Variants in MAP3K7CL observed in about 807,000 individuals in gnomAD.
MAP3K7CL encodes MAP3K7 C-terminal-like protein.
In MAP3K7CL, 16 loss-of-function variants were observed where a neutral mutation model predicts 18.6. The observed-to-expected ratio is 0.86, with a 90% CI of 0.58 to 1.31. The LOEUF (loss-of-function observed/expected upper bound fraction) is 1.31, where lower values mean the gene tolerates loss of function less well. MAP3K7CL is among the 50% of genes most tolerant of loss of function. The probability of loss-of-function intolerance (pLI) is 0.00; values close to 1 mark genes in which losing one functional copy is unlikely to be tolerated. For synonymous variants in MAP3K7CL, 65 were observed against 66.8 expected, an observed-to-expected ratio of 0.97 and a Z score of 0.13; for missense variants, 163 against 174.4, an observed-to-expected ratio of 0.93 and a Z score of 0.37.
chr21:29,161,858 G>A (rs1054223936), intron 4 of MAP3K7CL, among the ~76,000 whole-genome samples: 1 of 152,162 alleles, frequency 6.6e-6, no homozygotes, highest in Non-Finnish European at 1.5e-5. Flanking sequence ...CCAGACTTCT[G>A]CAAAACCTCA....
At chr21:29,104,750 G>A (rs754491683) in intron 4 of MAP3K7CL, among the ~76,000 whole-genome samples, 16 of 152,176 alleles carry the variant, frequency 1.1e-4, no homozygotes, top group Non-Finnish European at 2.1e-4. Flanking sequence ...CCCCAAAAGT[G>A]CGCTTGCTAT....
exon 3 of MAP3K7CL, chr21:29,091,717 A>G (rs1178778518): frequency 1.4e-6 from 1 of 702,338 alleles, no homozygotes; most frequent in Admixed American, 2.0e-5. Flanking sequence ...ACCTGGCTTC[A>G]AGCAGTCCTC....
intron 3 of MAP3K7CL, among the ~76,000 whole-genome samples, chr21:29,152,297 G>A (rs1452175774): frequency 6.6e-6 from 1 of 152,198 alleles, no homozygotes; most frequent in Non-Finnish European, 1.5e-5. Flanking sequence ...TATACTTAGC[G>A]TAAGCATATA....
intron 4 of MAP3K7CL, among the ~76,000 whole-genome samples, chr21:29,097,628 A>G (rs757985413): frequency 5.3e-5 from 8 of 152,024 alleles, no homozygotes; most frequent in Non-Finnish European, 8.8e-5. Flanking sequence ...TCTTCTGTAG[A>G]CATTATGGTC....
upstream of MAP3K7CL, among the ~76,000 whole-genome samples, chr21:29,083,067 T>A (rs552690899): frequency 6.6e-6 from 1 of 152,356 alleles, no homozygotes; most frequent in East Asian, 1.9e-4. Context: ...TTTAATTATA[T>A]TTTGAAATGA....
At chr21:29,174,521 G>A (rs1409506631) in intron 4 of MAP3K7CL, among the ~76,000 whole-genome samples, 191 bp from the exon 5 acceptor site, 1 of 152,134 alleles carries the variant, frequency 6.6e-6, no homozygotes, top group Non-Finnish European at 1.5e-5. Context: ...GTGTCTAGTC[G>A]AGGTGCTAGA....
At chr21:29,156,699 T>A (rs1054069528) in intron 3 of MAP3K7CL, among the ~76,000 whole-genome samples, 2 of 152,180 alleles carry the variant, frequency 1.3e-5, no homozygotes, top group Admixed American at 1.3e-4. Flanking sequence ...GAACAACACA[T>A]CACATTATTC....
At chr21:29,092,316 C>A in intron 3 of MAP3K7CL, 1 of 920,270 alleles carries the variant, frequency 1.1e-6, no homozygotes, top group Non-Finnish European at 1.6e-6. Flanking sequence ...ATTAACAACC[C>A]TCTCTAAAGA....
At chr21:29,163,747 G>T (rs959302476) in intron 4 of MAP3K7CL, among the ~76,000 whole-genome samples, 1 of 147,744 alleles carries the variant, frequency 6.8e-6, no homozygotes. Flanking sequence ...CCAGGCTGGA[G>T]TGCAGTGATG....
chr21:29,148,644 A>G (rs2087199696), intron 2 of MAP3K7CL, among the ~76,000 whole-genome samples: 1 of 152,120 alleles, frequency 6.6e-6, no homozygotes, highest in African/African-American at 2.4e-5. Context: ...TTGGAAAGAA[A>G]CGCCCCATTT....
chr21:29,159,527 C>A (rs1396312258), intron 3 of MAP3K7CL, among the ~76,000 whole-genome samples: 1 of 152,224 alleles, frequency 6.6e-6, no homozygotes, highest in Non-Finnish European at 1.5e-5. Context: ...GCTACAGAAA[C>A]AGAAAGCAAG....
In MAP3K7CL at chr21:29,109,227, C is replaced by T. The variant is rs966349234; in HGVS notation, c.370+16646C>T. The T allele has an allele frequency of 5.2e-6, 8 of 1,535,020 alleles. No individual in the cohort carries two copies. In the African/African-American group the frequency reaches 9.6e-5, roughly 18 times the overall value. On this transcript the variant is annotated intron_variant, in intron 4 of 6. Transcript: ENST00000286791. ...GTGGGTAAGTATTAAGTGCTATGAG[C>T]TCCGAGGAAGAAGAAATTCCATATA...
chr21:29,147,344 C>T (rs1428326832), intron 2 of MAP3K7CL, among the ~76,000 whole-genome samples: 1 of 151,622 alleles, frequency 6.6e-6, no homozygotes, highest in African/African-American at 2.4e-5. Flanking sequence ...TATGTATCTG[C>T]ACTGTGTATG....
chr21:29,141,149 TAAC>T (rs201342148), intron 2 of MAP3K7CL, among the ~76,000 whole-genome samples: 1 of 152,224 alleles, frequency 6.6e-6, no homozygotes, highest in East Asian at 1.9e-4. Context: ...CAAAATATTC[TAAC>T]AACAGGATAA....
chr21:29,085,065 A>G (rs147252886), upstream of MAP3K7CL: 87 of 152,302 alleles, frequency 5.7e-4, 1 homozygote, highest in African/African-American at 1.9e-3. Context: ...ATTTTCTCTC[A>G]TTTGAGGTGT....
At chr21:29,156,633 C>A (rs1186025254) in intron 3 of MAP3K7CL, among the ~76,000 whole-genome samples, 1 of 152,190 alleles carries the variant, frequency 6.6e-6, no homozygotes, top group Non-Finnish European at 1.5e-5. Flanking sequence ...CCTGATGATA[C>A]AACATACATA....
At chr21:29,171,325 A>G (rs1328737016) in intron 4 of MAP3K7CL, among the ~76,000 whole-genome samples, 1 of 152,236 alleles carries the variant, frequency 6.6e-6, no homozygotes, top group East Asian at 1.9e-4. Flanking sequence ...CGTATCAGTG[A>G]TGTACCTTAT....
intron 1 of MAP3K7CL, among the ~76,000 whole-genome samples, chr21:29,086,293 G>A (rs559612456): frequency 6.6e-6 from 1 of 152,350 alleles, no homozygotes; most frequent in South Asian, 2.1e-4. Context: ...AGCAGGCACA[G>A]ATGATAAAAT....
chr21:29,136,710 G>A (rs1376620424), intron 2 of MAP3K7CL, among the ~76,000 whole-genome samples: 3 of 152,006 alleles, frequency 2.0e-5, no homozygotes, highest in Non-Finnish European at 4.4e-5. Flanking sequence ...TAGTAGAGAC[G>A]GGGTTTCACC....
Sources: allele counts gnomAD v4.1 joint callset (sites outside exome capture counted in the v4.1 genomes callset), GRCh38; gene constraint gnomAD v4.1.1; transcripts MANE v1.5; gene names NCBI Gene and HGNC (gene_info 2026-07-23, HGNC 2026-07-21).